Variants in DYRK4 observed in about 807,000 individuals in gnomAD.
DYRK4 encodes dual specificity tyrosine-phosphorylation-regulated kinase 4.
A neutral mutation model predicts 68.3 loss-of-function variants in DYRK4; 64 were observed. The ratio of observed to expected loss-of-function variants is 0.94; its 90% CI spans 0.77 to 1.15. The LOEUF (loss-of-function observed/expected upper bound fraction) is 1.15, where lower values mean the gene tolerates loss of function less well. DYRK4 is among the 50% of genes most tolerant of loss of function. DYRK4 has a pLI of 0.00. For synonymous variants in DYRK4, 274 were observed against 289.9 expected (o/e 0.95, Z 0.56); for missense variants, 740 against 764.7 (o/e 0.97, Z 0.38).
intron 2 of DYRK4, among the ~76,000 whole-genome samples, chr12:4,585,288 T>C (rs1156938777): frequency 6.6e-6 from 1 of 152,214 alleles, no homozygotes; most frequent in Non-Finnish European, 1.5e-5. Context: ...GTAGTTTCCT[T>C]GATGCCTCCT....
At chr12:4,573,428 A>G in intron 2 of DYRK4, 1 of 1,278,648 alleles carries the variant, frequency 7.8e-7, no homozygotes. Context: ...GAGAACAAAG[A>G]TTTGAAATTA....
intron 2 of DYRK4, among the ~76,000 whole-genome samples, chr12:4,587,864 G>A (rs1944913135): frequency 6.6e-6 from 1 of 152,224 alleles, no homozygotes; most frequent in African/African-American, 2.4e-5. Flanking sequence ...GATACCAGCT[G>A]TGTGTCAGCT....
intron 1 of DYRK4, among the ~76,000 whole-genome samples, chr12:4,563,638 C>G (rs1429440306): frequency 6.6e-6 from 1 of 152,186 alleles, no homozygotes; most frequent in Admixed American, 6.5e-5. Flanking sequence ...AAAATAGGAA[C>G]AACCACAAGG....
chr12:4,581,069 A>T (rs1591791515), intron 2 of DYRK4: 1 of 317,480 alleles, frequency 3.1e-6, no homozygotes, highest in South Asian at 2.6e-5. Flanking sequence ...GACCAGTCCT[A>T]TTATCCTTTG....
intron 2 of DYRK4, among the ~76,000 whole-genome samples, chr12:4,574,509 C>A (rs566656459): frequency 3.9e-5 from 6 of 152,192 alleles, no homozygotes; most frequent in African/African-American, 1.4e-4. Context: ...AACATTTGGC[C>A]GCTTTCACTG....
rs1944633456 is a variant in DYRK4 at position 4,562,260 on chromosome 12, G to T, written c.15G>T (p.Pro5=). The T allele has an allele frequency of 3.3e-6, 5 of 1,532,192 alleles. 1 individual carries two copies. The South Asian group carries it at 3.6e-5, about 11-fold the overall frequency. The allele number at this position is 1,532,192 out of a possible 1,614,324, so 94.9% of individuals were successfully genotyped here. The part of the protein sequence containing the change: MQLL[P]PPIRTGTKTQ... ...GCGCCGGCCTCATGCAGCTCCTCCCGCCGCCTATCCGCACCGGAACAAAGT... is the reference window on the plus strand; with the variant it reads ...GCGCCGGCCTCATGCAGCTCCTCCCTCCGCCTATCCGCACCGGAACAAAGT... The change falls in exon 1 of 15, where the codon CCG becomes CCT. Residue 5 remains proline, a synonymous_variant. Coordinates refer to ENST00000543431, the MANE Select transcript of DYRK4 (RefSeq NM_001394779.1).
intron 11 of DYRK4, 84 bp downstream of exon 11, chr12:4,605,170 C>A: frequency 7.9e-7 from 1 of 1,257,998 alleles, no homozygotes; most frequent in Non-Finnish European, 1.1e-6. Flanking sequence ...TCGCCCAGGA[C>A]CATGGCCTGC....
chr12:4,596,216 A>G lies in DYRK4; in HGVS notation c.695A>G (p.Gln232Arg), dbSNP rs1018197341. The G allele has an allele frequency of 1.2e-6, 2 of 1,614,084 alleles. No individual in the cohort carries two copies. The highest frequency in any genetic ancestry group is 2.7e-5 in the African/African-American group (2 of 74,926). The change falls in exon 7 of 15, where the codon CAG becomes CGG. Residue 232 changes from glutamine to arginine, a missense_variant. This residue lies in a region of DYRK4 where 614 missense variants were observed against 603.7 expected (regional missense o/e 1.02). Coordinates refer to ENST00000543431, the MANE Select transcript of DYRK4 (RefSeq NM_001394779.1). ...ACAATCGGGAAGGGGTCCTTTGGAC[A>G]GGTGGCCAAGTGCTTGGATCACAAA... The part of the protein sequence containing the change: ...LETIGKGSFG[Q>R]VAKCLDHKNN...
At chr12:4,608,357 C>A (rs1945178024) in intron 12 of DYRK4, among the ~76,000 whole-genome samples, 1 of 152,194 alleles carries the variant, frequency 6.6e-6, no homozygotes, top group Non-Finnish European at 1.5e-5. Flanking sequence ...GGCCCTCCCA[C>A]CTCTGATTTT....
rs115248497 is a variant in DYRK4, at chr12:4,593,844, G to A, written c.627+679G>A. Among the ~76,000 whole-genome samples the A allele has an allele frequency of 5.6e-4, 85 of 152,350 alleles. 1 individual carries two copies. The highest frequency in any genetic ancestry group is 1.9e-3 in the African/African-American group (78 of 41,582). Reference sequence around the variant, plus strand: ...CTTCGGAACATTTCATTGCAACTTGGATTTAAGATACAGGATGAGTCTGAT... The same window carrying A: ...CTTCGGAACATTTCATTGCAACTTGAATTTAAGATACAGGATGAGTCTGAT... On this transcript the variant is annotated intron_variant, in intron 6 of 14. Coordinates refer to ENST00000543431, the MANE Select transcript of DYRK4 (RefSeq NM_001394779.1).
intron 2 of DYRK4, among the ~76,000 whole-genome samples, chr12:4,578,547 GTTAA>G (rs1944810752): frequency 6.6e-6 from 1 of 152,092 alleles, no homozygotes; most frequent in Non-Finnish European, 1.5e-5. Flanking sequence ...GTTATGCGTA[GTTAA>G]TTTATAAGTT....
chr12:4,593,631 TTC>T (rs1944982428), intron 6 of DYRK4, among the ~76,000 whole-genome samples: 1 of 152,210 alleles, frequency 6.6e-6, no homozygotes, highest in Non-Finnish European at 1.5e-5. Flanking sequence ...CTTAATTTCA[TTC>T]TGTTTTTTAA....
chr12:4,590,495 C>T, intron 4 of DYRK4, 55 bp downstream of exon 4: 3 of 1,526,136 alleles, frequency 2.0e-6, no homozygotes, highest in Non-Finnish European at 2.6e-6. Context: ...TGGTTTTAGT[C>T]CAAAGCCAGT....
chr12:4,599,646 G>A, intron 9 of DYRK4, 61 bp from the exon 10 acceptor site: 1 of 1,293,126 alleles, frequency 7.7e-7, no homozygotes, highest in East Asian at 2.3e-5. Flanking sequence ...GAGCATTTAG[G>A]TAAGTAGAGG....
chr12:4,602,963 T>C, intron 10 of DYRK4: 1 of 874,562 alleles, frequency 1.1e-6, no homozygotes, highest in Non-Finnish European at 1.8e-6. Flanking sequence ...GTCCTTGAGC[T>C]TAAATTTTCA....
chr12:4,573,043 A>G (rs1944748806), intron 2 of DYRK4: 1 of 303,598 alleles, frequency 3.3e-6, no homozygotes, highest in East Asian at 9.9e-5. Context: ...AGAGACAGCA[A>G]ACAGCAGAGA....
rs368783190 is a variant in DYRK4 at position 4,586,729 on chromosome 12, C to CACACACACACACACACACAG, written c.133-2205_133-2204insCACACACACACACACAGACA. On this transcript the variant is annotated intron_variant, in intron 2 of 14. Transcript: ENST00000543431. ...GTACACACACACACACACACACACA[C>CACACACACACACACACACAG]ACAGACACACACACACACCCCTTTG... Among the ~76,000 whole-genome samples the CACACACACACACACACACAG allele has an allele frequency of 2.0e-3, 220 of 112,470 alleles. 3 individuals are homozygous for CACACACACACACACACACAG. The highest frequency in any genetic ancestry group is 6.1e-3 in the African/African-American group (215 of 35,222). The allele number at this position is 112,470 out of a possible 152,430, so 73.8% of individuals were successfully genotyped here. A position where few individuals can be genotyped will look rare whatever the true frequency, so the allele number is the denominator to read the frequency against.
Position 4,604,927 on chromosome 12 carries a change from C to T in DYRK4, c.1140C>T (p.Ile380=). The change falls in exon 11 of 15, where the codon ATC becomes ATT. Residue 380 remains isoleucine (I), a synonymous_variant. Transcript: ENST00000543431. ...TTGCCTCCGCAGTATACACGTACATCCAAAGCCGGTTCTACCGATCCCCAG... is the reference window on the plus strand; with the variant it reads ...TTGCCTCCGCAGTATACACGTACATTCAAAGCCGGTTCTACCGATCCCCAG... ...CYEHQKVYTY[I]QSRFYRSPEV... The T allele has an allele frequency of 6.2e-7, 1 of 1,609,630 alleles. No individual in the cohort carries two copies. Among genetic ancestry groups the T allele is most frequent in the Non-Finnish European group, 8.5e-7 (1 of 1,177,546 alleles).
rs922208677 is a variant in DYRK4, at chr12:4,562,240, G to T, written c.-6G>T. 1.3e-6 allele frequency: 2 copies of T among 1,529,364 alleles called. No individual in the cohort carries two copies. The highest frequency in any genetic ancestry group is 4.0e-5 in the Admixed American group (2 of 50,314). 94.7% of individuals were successfully genotyped at this position (1,529,364 alleles called of 1,614,324 possible). A position where few individuals can be genotyped will look rare whatever the true frequency, so the allele number is the denominator to read the frequency against. Reference sequence around the variant, plus strand: ...CCCGCAGCGGCGGGCGGTCAGCGCCGGCCTCATGCAGCTCCTCCCGCCGCC... The same window carrying T: ...CCCGCAGCGGCGGGCGGTCAGCGCCTGCCTCATGCAGCTCCTCCCGCCGCC... On this transcript the variant is annotated 5_prime_UTR_variant, in exon 1 of 15. Transcript: ENST00000543431.
Sources: gnomAD v4.1 joint callset for allele counts (sites outside exome capture counted in the v4.1 genomes callset) on GRCh38, gnomAD v4.1.1 for gene constraint, gnomAD v4.1.1 regional missense constraint, MANE v1.5 for transcripts, NCBI Gene and HGNC (gene_info 2026-07-23, HGNC 2026-07-21) for gene names.